KAZN: variants seen among roughly 807,000 people sequenced by gnomAD.
KAZN encodes kazrin.
KAZN carries 40 observed loss-of-function variants against 87.4 expected under a neutral mutation model. That is an observed-to-expected ratio of 0.46 (90% CI 0.36 to 0.60). KAZN has a LOEUF of 0.60. Among genes scored for constraint, KAZN ranks in the 20% least tolerant of loss-of-function variants. The pLI, the probability that KAZN is intolerant of heterozygous loss-of-function variation, is 0.00. For synonymous variants in KAZN, 466 were observed against 458.3 expected (o/e 1.02, Z -0.22); for missense variants, 898 against 1,073.9 (o/e 0.84, Z 2.29).
At chr1:13,996,127 C>T (rs12731340) in intron 1 of KAZN, among the ~76,000 whole-genome samples, 22,092 of 152,140 alleles carry the variant, frequency 0.15, 1,714 homozygotes, top group Middle Eastern at 0.23. Context: ...GAACCCTCAA[C>T]CCCCAGCCAA....
At chr1:14,720,559 C>G (rs906641123) in intron 1 of KAZN, among the ~76,000 whole-genome samples, 3 of 152,194 alleles carry the variant, frequency 2.0e-5, no homozygotes, top group African/African-American at 7.2e-5. Context: ...CATCTTCTGT[C>G]GCTGACCTTT....
chr1:14,388,856 C>T (rs943514482), intron 2 of KAZN, among the ~76,000 whole-genome samples: 1 of 152,066 alleles, frequency 6.6e-6, no homozygotes, highest in Non-Finnish European at 1.5e-5. Flanking sequence ...AATAGGATCA[C>T]ATCAAATTAA....
intron 1 of KAZN, among the ~76,000 whole-genome samples, chr1:14,090,662 T>C (rs187047206): frequency 6.6e-6 from 1 of 152,304 alleles, no homozygotes; most frequent in East Asian, 1.9e-4. Flanking sequence ...CCTTAGAATT[T>C]CTTTCAATAC....
chr1:14,269,799 G>T (rs1014768762), intron 2 of KAZN, among the ~76,000 whole-genome samples: 1 of 152,142 alleles, frequency 6.6e-6, no homozygotes, highest in African/African-American at 2.4e-5. Context: ...CTGCTGTGGG[G>T]CATTTCTACA....
At chr1:14,491,409 C>T (rs1199696947) in intron 2 of KAZN, among the ~76,000 whole-genome samples, 4 of 152,052 alleles carry the variant, frequency 2.6e-5, no homozygotes, top group Non-Finnish European at 5.9e-5. Context: ...CCCATCAATC[C>T]GTCGTCTACA....
At chr1:13,967,851 G>T (rs1037529986) in intron 1 of KAZN, among the ~76,000 whole-genome samples, 3 of 152,300 alleles carry the variant, frequency 2.0e-5, no homozygotes, top group Admixed American at 2.0e-4. Context: ...GATGCAGTGG[G>T]ACTCTGCACC....
chr1:14,646,185 G>A (rs956044782), intron 1 of KAZN, among the ~76,000 whole-genome samples: 3 of 152,140 alleles, frequency 2.0e-5, no homozygotes, highest in Non-Finnish European at 2.9e-5. Context: ...TGCAGGTTAC[G>A]TGAATCTATA....
intron 2 of KAZN, among the ~76,000 whole-genome samples, chr1:14,328,448 A>G (rs1487191261): frequency 6.6e-6 from 1 of 152,178 alleles, no homozygotes; most frequent in Non-Finnish European, 1.5e-5. Context: ...TGACGCCTGT[A>G]ATCCCAACAG....
chr1:13,899,294 T>C (rs1639158952), intron 1 of KAZN, among the ~76,000 whole-genome samples: 1 of 152,210 alleles, frequency 6.6e-6, no homozygotes. Flanking sequence ...AGAAGGCAAG[T>C]GAAATCATCC....
chr1:14,511,826 G>T (rs1364522090), intron 2 of KAZN, among the ~76,000 whole-genome samples: 2 of 152,164 alleles, frequency 1.3e-5, no homozygotes, highest in Non-Finnish European at 2.9e-5. Flanking sequence ...GTACTAAAAA[G>T]CCAGACTGGG....
chr1:13,907,814 A>G (rs1639501446), intron 1 of KAZN, among the ~76,000 whole-genome samples: 1 of 152,064 alleles, frequency 6.6e-6, no homozygotes, highest in South Asian at 2.1e-4. Context: ...TTTGGGAGTA[A>G]CTTCTCCCAC....
chr1:14,514,365 TTA>T lies in KAZN; in HGVS notation c.250-84609_250-84608del, dbSNP rs1491393295. On this transcript the variant is annotated intron_variant, in intron 2 of 16. Coordinates refer to the KAZN transcript ENST00000636203. ...ATATTTATATATATTATATATATAT[TTA>T]TATATATAATATATATATATTATAT... is the stretch of plus-strand genomic sequence containing the variant. Among the ~76,000 whole-genome samples the T allele has an allele frequency of 2.3e-3, 34 of 14,678 alleles. 3 individuals are homozygous for T. The highest frequency in any genetic ancestry group is 9.2e-3 in the African/African-American group (31 of 3,368). 9.6% of individuals were successfully genotyped at this position (14,678 alleles called of 152,430 possible).
At chr1:14,736,516 G>C (rs1191980241) in intron 1 of KAZN, among the ~76,000 whole-genome samples, 2 of 140,046 alleles carry the variant, frequency 1.4e-5, no homozygotes, top group Non-Finnish European at 3.0e-5. Flanking sequence ...TCATCGTGTT[G>C]GTCAGGCTGA....
intron 2 of KAZN, among the ~76,000 whole-genome samples, chr1:15,001,427 C>T (rs962979534): frequency 4.6e-5 from 7 of 151,324 alleles, no homozygotes; most frequent in Non-Finnish European, 8.8e-5. Context: ...GATTGCACCA[C>T]TACACTTCAA....
chr1:14,400,856 G>C (rs1220046348), intron 2 of KAZN, among the ~76,000 whole-genome samples: 1 of 152,184 alleles, frequency 6.6e-6, no homozygotes, highest in Non-Finnish European at 1.5e-5. Context: ...AAAAATAAAA[G>C]TAGTTTTTTC....
At chr1:14,249,620 G>A (rs1352336029) in intron 2 of KAZN, among the ~76,000 whole-genome samples, 1 of 152,184 alleles carries the variant, frequency 6.6e-6, no homozygotes. Flanking sequence ...CACCCACTGA[G>A]CCCCAGAAGA....
chr1:14,445,577 T>TC (rs1666940265), intron 2 of KAZN, among the ~76,000 whole-genome samples: 1 of 151,958 alleles, frequency 6.6e-6, no homozygotes, highest in South Asian at 2.1e-4. Context: ...ACAATAAACT[T>TC]CTGTTGTTGA....
chr1:13,906,514 G>C (rs909679964), intron 1 of KAZN, among the ~76,000 whole-genome samples: 3 of 152,160 alleles, frequency 2.0e-5, no homozygotes, highest in African/African-American at 7.2e-5. Context: ...GCTGCTGCCT[G>C]GGCTGGACCG....
chr1:14,981,349 C>A (rs1262826261), intron 2 of KAZN, among the ~76,000 whole-genome samples: 1 of 152,226 alleles, frequency 6.6e-6, no homozygotes, highest in African/African-American at 2.4e-5. Flanking sequence ...AAGCATAGAC[C>A]AGTCTTGTGT....
Sources: allele counts gnomAD v4.1 joint callset (sites outside exome capture counted in the v4.1 genomes callset), GRCh38; gene constraint gnomAD v4.1.1; transcripts MANE v1.5; gene names NCBI Gene and HGNC (gene_info 2026-07-23, HGNC 2026-07-21).